Variants in MOG observed in about 807,000 individuals in gnomAD.
MOG encodes the protein myelin oligodendrocyte glycoprotein.
A neutral mutation model predicts 35.9 loss-of-function variants in MOG; 20 were observed. That is an observed-to-expected ratio of 0.56 (90% CI 0.39 to 0.81). The LOEUF (loss-of-function observed/expected upper bound fraction) is 0.81, where lower values mean the gene tolerates loss of function less well. Ranked by LOEUF, MOG falls within the 30% of genes least tolerant of loss-of-function variation. MOG has a pLI of 0.00. For missense variants in MOG, 251 were observed against 301.0 expected, an observed-to-expected ratio of 0.83 and a Z score of 1.23; for synonymous variants, 92 against 114.3, an observed-to-expected ratio of 0.80 and a Z score of 1.25.
rs762765531 is a variant in MOG, at chr6:29,657,223, C to G, written c.14C>G (p.Ser5Ter). The G allele has an allele frequency of 1.9e-6, 3 of 1,610,748 alleles. No homozygotes were observed. Among genetic ancestry groups the G allele is most frequent in the Non-Finnish European group, 2.5e-6 (3 of 1,178,474 alleles). MASL[S>*]RPSLPSCLCS... ...GGAACAGTAGAGATGGCAAGCTTAT[C>G]AAGACCCTCTCTGCCCAGCTGCCTC... Residue 5 changes from serine to a stop codon, truncating the protein, a stop_gained, in exon 1 of 8, where the codon TCA (serine) becomes TGA (stop). Coordinates refer to ENST00000376917, the MANE Select transcript of MOG (RefSeq NM_206809.4). LOFTEE classifies it high-confidence loss of function.
At chr6:29,659,960 T>C (rs1022610441) in intron 2 of MOG, 1 of 507,030 alleles carries the variant, frequency 2.0e-6, no homozygotes, top group African/African-American at 1.9e-5. Flanking sequence ...ATTTTAGCAC[T>C]AGGCCAGATG....
intron 5 of MOG, among the ~76,000 whole-genome samples, chr6:29,669,104 A>T (rs1770846933): frequency 2.0e-5 from 3 of 151,986 alleles, no homozygotes; most frequent in Admixed American, 2.0e-4. Flanking sequence ...TATTTTTAGT[A>T]GAGACTAGGT....
At chr6:29,665,729 A>AGGACAGTGGTAATGGTATAGGAAGT in intron 2 of MOG, among the ~76,000 whole-genome samples, 2 of 144,756 alleles carry the variant, frequency 1.4e-5, no homozygotes, top group African/African-American at 2.7e-5. Context: ...GCCTTGAACT[A>AGGACAGTGGTAATGGTATAGGAAGT]CATATTTGAA....
chr6:29,657,320 CCCT>C, intron 1 of MOG, 23 bp downstream of exon 1: 1 of 1,527,884 alleles, frequency 6.5e-7, no homozygotes, highest in Non-Finnish European at 8.9e-7. Context: ...TTTTTTCCTG[CCCT>C]GGGGAGACCC....
At position 29,671,541 on chromosome 6, in the gene MOG, C is replaced by G; in HGVS notation, c.*356C>G. ...CTGCCATGAACTGGAGGCCAGGAAT[C>G]TCCTCACTGAAAATTACAGTATGGT... On this transcript the variant is annotated 3_prime_UTR_variant, in exon 8 of 8. Coordinates refer to ENST00000376917, the MANE Select transcript of MOG (RefSeq NM_206809.4). The G allele has an allele frequency of 1.1e-6, 1 of 920,306 alleles. No homozygotes were observed. Among genetic ancestry groups the G allele is most frequent in the Non-Finnish European group, 1.8e-6 (1 of 551,712 alleles). The allele number at this position is 920,306 out of a possible 1,614,324, so 57.0% of individuals were successfully genotyped here.
At position 29,659,381 on chromosome 6, in the gene MOG, T is replaced by C. The variant is rs1210740201; in HGVS notation, c.151T>C (p.Leu51=). The change falls in exon 2 of 8, where the codon TTG becomes CTG. Residue 51 remains leucine, a synonymous_variant. Coordinates refer to ENST00000376917, the MANE Select transcript of MOG (RefSeq NM_206809.4). Reference sequence around the variant, plus strand: ...GGCTCTGGTCGGGGATGAAGTGGAATTGCCATGTCGCATATCTCCTGGGAA... The same window carrying C: ...GGCTCTGGTCGGGGATGAAGTGGAACTGCCATGTCGCATATCTCCTGGGAA... ...IRALVGDEVE[L]PCRISPGKNA... The C allele has an allele frequency of 1.2e-6, 2 of 1,612,920 alleles. No individual in the cohort carries two copies. The highest frequency in any genetic ancestry group is 1.1e-5 in the South Asian group (1 of 91,068).
intron 2 of MOG, chr6:29,661,741 C>A (rs569104809): frequency 2.1e-6 from 2 of 944,540 alleles, no homozygotes; most frequent in Non-Finnish European, 1.3e-6. Context: ...GCTTGAACCC[C>A]GGAGGCGGAG....
At chr6:29,671,111 A>G in intron 7 of MOG, 61 bp from the exon 8 acceptor site, 1 of 1,612,892 alleles carries the variant, frequency 6.2e-7, no homozygotes. Flanking sequence ...TCCCTAGTTC[A>G]ATGGTTTTAT....
chr6:29,659,459 G>A lies in MOG; in HGVS notation c.229G>A (p.Val77Ile), dbSNP rs760187934. Residue 77 changes from valine (V) to isoleucine (I), a missense_variant, in exon 2 of 8, where the codon GTT (valine) becomes ATT (isoleucine). By Grantham distance (29) the Val-to-Ile change is conservative. Coordinates refer to ENST00000376917, the MANE Select transcript of MOG (RefSeq NM_206809.4). ...GWYRPPFSRVVHLYRNGKDQD... is the reference protein window; with the variant it reads ...GWYRPPFSRVIHLYRNGKDQD... ...GTACCGCCCCCCCTTCTCTAGGGTG[G>A]TTCATCTCTACAGAAATGGCAAGGA... is the stretch of plus-strand genomic sequence containing the variant. The A allele has an allele frequency of 3.1e-6, 5 of 1,613,074 alleles. No individual in the cohort carries two copies. Among genetic ancestry groups the A allele is most frequent in the Non-Finnish European group, 4.2e-6 (5 of 1,180,044 alleles).
At chr6:29,663,290 C>T (rs1437554790) in intron 2 of MOG, among the ~76,000 whole-genome samples, 1 of 150,196 alleles carries the variant, frequency 6.7e-6, no homozygotes, top group African/African-American at 2.4e-5. Flanking sequence ...AAAAAGCCCC[C>T]CCTCCCCACA....
Position 29,659,680 on chromosome 6 carries a change from T to C in MOG, c.436+14T>C. ...TGAAAGTAGAAGGTGAGTAGTGCCATATAATATTAGGTATTAACTGTTGGG... is the reference window on the plus strand; with the variant it reads ...TGAAAGTAGAAGGTGAGTAGTGCCACATAATATTAGGTATTAACTGTTGGG... On this transcript the variant is annotated intron_variant, in intron 2 of 7. Transcript: ENST00000376917. 6.2e-7 allele frequency: 1 copy of C among 1,601,652 alleles called. No individual in the cohort carries two copies. The highest frequency in any genetic ancestry group is 8.5e-7 in the Non-Finnish European group (1 of 1,170,202).
chr6:29,667,980 C>T lies in MOG; in HGVS notation c.592+56C>T, dbSNP rs998320184. 5.1e-6 allele frequency: 8 copies of T among 1,570,352 alleles called. No homozygotes were observed. The Admixed American group carries it at 1.2e-4, about 23-fold the overall frequency. On this transcript the variant is annotated intron_variant, in intron 5 of 7. Transcript: ENST00000376917. ...GTCAACTTGGTATTTCACTCTAGTTCCAGTCACCTGGGGGAACAAGGACCC... is the reference window on the plus strand; with the variant it reads ...GTCAACTTGGTATTTCACTCTAGTTTCAGTCACCTGGGGGAACAAGGACCC...
rs1388907305 is a variant in MOG at position 29,662,413 on chromosome 6, G to A, written c.436+2747G>A. Among the ~76,000 whole-genome samples, 1 of 151,986 alleles carries A rather than the reference G, an allele frequency of 6.6e-6. No homozygotes were observed. Among genetic ancestry groups the A allele is most frequent in the African/African-American group, 2.4e-5 (1 of 41,350 alleles). Reference sequence around the variant, plus strand: ...GCAGGAGAATCGCTTGAACCGGGAGGCAGAGGTTGCGGTGAGCCAAGATCG... The same window carrying A: ...GCAGGAGAATCGCTTGAACCGGGAGACAGAGGTTGCGGTGAGCCAAGATCG... On this transcript the variant is annotated intron_variant, in intron 2 of 7. Coordinates refer to ENST00000376917, the MANE Select transcript of MOG (RefSeq NM_206809.4). The surrounding 1 kb of genome is among the most constrained non-coding windows in gnomAD (Gnocchi z 4.2).
intron 5 of MOG, among the ~76,000 whole-genome samples, chr6:29,668,929 CT>C (rs869182982): frequency 0.023 from 3,289 of 140,886 alleles, 36 homozygotes; most frequent in Admixed American, 0.04. Context: ...ATAAATGTTT[CT>C]TTTTTTTTTT....
intron 2 of MOG, among the ~76,000 whole-genome samples, chr6:29,660,404 G>A (rs9468573): frequency 1.3e-5 from 2 of 150,276 alleles, no homozygotes; most frequent in African/African-American, 4.9e-5. Flanking sequence ...GGTAGCAGGC[G>A]CCTGTAGTCC....
intron 2 of MOG, among the ~76,000 whole-genome samples, chr6:29,663,416 T>C (rs1370245318): frequency 6.6e-6 from 1 of 152,232 alleles, no homozygotes; most frequent in African/African-American, 2.4e-5. Flanking sequence ...CCTGATTGTT[T>C]CATAAATATA....
Position 29,670,094 on chromosome 6 carries a change from A to G in MOG, c.593-187A>G. On this transcript the variant is annotated intron_variant, in intron 5 of 7. Transcript: ENST00000376917. This position sits in a 1 kb window ranked among gnomAD's most constrained non-coding sequence, Gnocchi z 4.2. ...GTTGTTACATTTTTAATGAAAGAAAATGTTAAATCCAGTTATTGAAAATAA... is the reference window on the plus strand; with the variant it reads ...GTTGTTACATTTTTAATGAAAGAAAGTGTTAAATCCAGTTATTGAAAATAA... 1 of 1,013,180 alleles carries G rather than the reference A, an allele frequency of 9.9e-7. No individual in the cohort carries two copies. The highest frequency in any genetic ancestry group is 1.6e-6 in the Non-Finnish European group (1 of 644,524). 62.8% of individuals were successfully genotyped at this position (1,013,180 alleles called of 1,614,324 possible). A position where few individuals can be genotyped will look rare whatever the true frequency, so the allele number is the denominator to read the frequency against.
Position 29,670,006 on chromosome 6 carries a change from T to C in MOG, c.593-275T>C. On this transcript the variant is annotated intron_variant, in intron 5 of 7. Coordinates refer to ENST00000376917, the MANE Select transcript of MOG (RefSeq NM_206809.4). The surrounding 1 kb of genome is among the most constrained non-coding windows in gnomAD (Gnocchi z 4.2). ...GGCTGGTCTTGAACTCTTGGCCTCA[T>C]GATCCACCCGTCTCGGACTCCCAGA... 1 of 692,188 alleles carries C rather than the reference T, an allele frequency of 1.4e-6. No individual in the cohort carries two copies. The highest frequency in any genetic ancestry group is 2.6e-6 in the Non-Finnish European group (1 of 379,628). The allele number at this position is 692,188 out of a possible 1,614,324, so 42.9% of individuals were successfully genotyped here.
At chr6:29,664,489 G>A (rs375372545) in intron 2 of MOG, 1 of 340,628 alleles carries the variant, frequency 2.9e-6, no homozygotes. Context: ...TTACAGGTGT[G>A]AGCCACCATG....
Sources: gnomAD v4.1 joint callset for allele counts (sites outside exome capture counted in the v4.1 genomes callset) on GRCh38, gnomAD v4.1.1 for gene constraint, Gnocchi (gnomAD v3.1) non-coding constraint, MANE v1.5 for transcripts, NCBI Gene and HGNC (gene_info 2026-07-23, HGNC 2026-07-21) for gene names.